The following ZMYM2 variants were observed in gnomAD, a reference collection of about 807,000 sequenced individuals.
ZMYM2 encodes zinc finger MYM-type protein 2.
ZMYM2 carries 56 observed loss-of-function variants against 162.8 expected under a neutral mutation model. That is an observed-to-expected ratio of 0.34 (90% CI 0.28 to 0.43). The LOEUF is 0.43. Among genes scored for constraint, ZMYM2 ranks in the 20% least tolerant of loss-of-function variants. The pLI is 1.00. For synonymous variants in ZMYM2, 510 were observed against 541.6 expected, an observed-to-expected ratio of 0.94 and a Z score of 0.81; for missense variants, 1,275 against 1,621.8, an observed-to-expected ratio of 0.79 and a Z score of 3.67.
intron 24 of ZMYM2, among the ~76,000 whole-genome samples, chr13:20,084,582 G>T (rs1249451318): frequency 6.6e-6 from 1 of 152,196 alleles, no homozygotes. Context: ...GTATAGATAG[G>T]TGGAAATGTA....
chr13:19,917,386 C>T, the ZMYM2 span, among the ~76,000 whole-genome samples: 9 of 151,926 alleles, frequency 5.9e-5, no homozygotes, highest in South Asian at 2.1e-4. Flanking sequence ...GTCAGGAGTT[C>T]GAGACCAGCC....
the ZMYM2 span, among the ~76,000 whole-genome samples, chr13:19,899,062 C>G: frequency 1.3e-5 from 2 of 151,644 alleles, no homozygotes; most frequent in African/African-American, 2.4e-5. Context: ...AAGCAATTCT[C>G]TTGCCTCAGC....
chr13:19,996,648 C>T (rs1331765003), intron 3 of ZMYM2, among the ~76,000 whole-genome samples: 2 of 151,914 alleles, frequency 1.3e-5, no homozygotes, highest in Non-Finnish European at 2.9e-5. Context: ...ACCTGGGAGG[C>T]GGAGGTTGCA....
At chr13:20,085,518 T>A (rs1260676969) in intron 24 of ZMYM2, among the ~76,000 whole-genome samples, 1 of 152,212 alleles carries the variant, frequency 6.6e-6, no homozygotes, top group Non-Finnish European at 1.5e-5. Context: ...CAGTTTAAAT[T>A]GTTGCATCTT....
chr13:19,946,327 C>G, the ZMYM2 span, among the ~76,000 whole-genome samples: 3 of 152,170 alleles, frequency 2.0e-5, no homozygotes, highest in Non-Finnish European at 4.4e-5. Context: ...CAGGGGCCAC[C>G]CCGCCTGCTC....
chr13:20,048,994 T>C (rs1423314010), intron 12 of ZMYM2, among the ~76,000 whole-genome samples: 2 of 151,944 alleles, frequency 1.3e-5, no homozygotes, highest in African/African-American at 4.8e-5. Flanking sequence ...TGGAGTTGTG[T>C]TGGTGTTGGT....
chr13:19,993,371 C>A lies in ZMYM2; in HGVS notation c.299C>A (p.Thr100Asn). ...EELQGNDSKITPSSKELASQK... is the reference protein window; with the variant it reads ...EELQGNDSKINPSSKELASQK... ...CTACAAGGAAATGATTCCAAAATTACTCCTTCCTCAAAAGAGTTGGCATCT... is the reference window on the plus strand; with the variant it reads ...CTACAAGGAAATGATTCCAAAATTAATCCTTCCTCAAAAGAGTTGGCATCT... The change falls in exon 3 of 25, where the codon ACT becomes AAT. Residue 100 changes from threonine to asparagine, a missense_variant. Physicochemically the swap from Thr to Asn is moderately conservative, Grantham distance 65. Around this residue, in one of 10 missense-constraint regions of ZMYM2, gnomAD observed 295 missense variants for 286.7 expected, o/e 1.03. Coordinates refer to ENST00000610343, the MANE Select transcript of ZMYM2 (RefSeq NM_197968.4). 2 of 1,613,674 alleles carry A rather than the reference C, an allele frequency of 1.2e-6. No homozygotes were observed. Among genetic ancestry groups the A allele is most frequent in the Middle Eastern group, 3.3e-4 (2 of 6,060 alleles).
intron 2 of ZMYM2, among the ~76,000 whole-genome samples, chr13:19,970,302 T>G (rs1195951107): frequency 6.6e-6 from 1 of 152,162 alleles, no homozygotes; most frequent in African/African-American, 2.4e-5. Context: ...TTATTTACCT[T>G]CTTTGGTAAA....
upstream of ZMYM2, among the ~76,000 whole-genome samples, chr13:19,958,240 G>T (rs529973209): frequency 9.5e-4 from 145 of 152,288 alleles, no homozygotes; most frequent in African/African-American, 3.4e-3. Context: ...CAAGCAACTG[G>T]ACAGGGAGGG....
the ZMYM2 span, among the ~76,000 whole-genome samples, chr13:19,918,485 T>C: frequency 6.8e-6 from 1 of 146,302 alleles, no homozygotes; most frequent in Non-Finnish European, 1.5e-5. Flanking sequence ...TCTTTTCTTT[T>C]TCTTTCTTTC....
chr13:20,055,094 T>G (rs1955683355), intron 14 of ZMYM2, among the ~76,000 whole-genome samples: 1 of 151,680 alleles, frequency 6.6e-6, no homozygotes, highest in African/African-American at 2.4e-5. Flanking sequence ...GTGAGTTCTA[T>G]AAAGGCTGAC....
the ZMYM2 span, among the ~76,000 whole-genome samples, chr13:19,898,136 T>C: frequency 6.6e-5 from 10 of 152,072 alleles, no homozygotes; most frequent in East Asian, 9.6e-4. Flanking sequence ...ATAGAAATCA[T>C]ACAAAGTATT....
the ZMYM2 span, among the ~76,000 whole-genome samples, chr13:19,896,760 C>CA: frequency 0.017 from 1,493 of 87,100 alleles, 20 homozygotes; most frequent in Middle Eastern, 0.024. Context: ...GACTCCATCT[C>CA]AAAAAAAAAA....
the ZMYM2 span, among the ~76,000 whole-genome samples, chr13:19,950,629 C>T: frequency 6.6e-6 from 1 of 152,348 alleles, no homozygotes; most frequent in Admixed American, 6.5e-5. Context: ...GACCACGTAG[C>T]AGCTGCAAAG....
chr13:20,036,792 T>C lies in ZMYM2; in HGVS notation c.2175T>C (p.Val725=), dbSNP rs1392178649. The C allele has an allele frequency of 6.2e-7, 1 of 1,603,648 alleles. No individual in the cohort carries two copies. Among genetic ancestry groups the C allele is most frequent in the East Asian group, 2.2e-5 (1 of 44,562 alleles). The change falls in exon 12 of 25, where the codon GTT becomes GTC. Residue 725 remains valine (V), a synonymous_variant. Transcript: ENST00000610343. The part of the protein sequence containing the change: ...DFARRLGLRC[V]TCNYCSQLCK... Reference sequence around the variant, plus strand: ...CCAGACGTTTAGGATTGAGATGTGTTACTTGCAACTATTGTTCTCAGCTAT... The same window carrying C: ...CCAGACGTTTAGGATTGAGATGTGTCACTTGCAACTATTGTTCTCAGCTAT...
the ZMYM2 span, among the ~76,000 whole-genome samples, chr13:19,909,101 C>T: frequency 6.3e-3 from 964 of 152,224 alleles, 16 homozygotes; most frequent in African/African-American, 0.021. Flanking sequence ...ATATGGAAAA[C>T]TTCAGTGATC....
intron 6 of ZMYM2, among the ~76,000 whole-genome samples, chr13:20,017,754 A>G (rs1431150647): frequency 1.3e-5 from 2 of 151,540 alleles, no homozygotes; most frequent in Non-Finnish European, 2.9e-5. Flanking sequence ...ATTCTTCTGT[A>G]TATCTTCTAT....
chr13:19,914,804 G>A, the ZMYM2 span, among the ~76,000 whole-genome samples: 1 of 152,158 alleles, frequency 6.6e-6, no homozygotes, highest in Non-Finnish European at 1.5e-5. Context: ...CTACCATCCT[G>A]AAGCAGGTGG....
At chr13:19,999,615 C>T (rs914288921) in intron 3 of ZMYM2, among the ~76,000 whole-genome samples, 1 of 152,088 alleles carries the variant, frequency 6.6e-6, no homozygotes, top group Non-Finnish European at 1.5e-5. Flanking sequence ...GAAAGAAAAC[C>T]TTACATTTCT....
Sources: gnomAD v4.1 joint callset for allele counts (sites outside exome capture counted in the v4.1 genomes callset) on GRCh38, gnomAD v4.1.1 for gene constraint, gnomAD v4.1.1 regional missense constraint, MANE v1.5 for transcripts, NCBI Gene and HGNC (gene_info 2026-07-23, HGNC 2026-07-21) for gene names.